CPS1: variants seen among roughly 807,000 people sequenced by gnomAD.
CPS1 encodes carbamoyl-phosphate synthase 1, also known as carbamoyl-phosphate synthase [ammonia], mitochondrial.
CPS1 carries 109 observed loss-of-function variants against 174.6 expected under a neutral mutation model. That is an observed-to-expected ratio of 0.62 (90% CI 0.53 to 0.73). The LOEUF (loss-of-function observed/expected upper bound fraction) is 0.73. Among genes scored for constraint, CPS1 ranks in the 30% least tolerant of loss-of-function variants. CPS1 has a pLI of 0.00. For synonymous variants in CPS1, 637 were observed against 632.0 expected, an observed-to-expected ratio of 1.01 and a Z score of -0.12; for missense variants, 1,689 against 1,821.9, an observed-to-expected ratio of 0.93 and a Z score of 1.33.
Position 210,608,435 on chromosome 2 carries a change from G to C in CPS1, c.2267G>C (p.Gly756Ala). Residue 756 changes from glycine (G) to alanine (A), a missense_variant, in exon 19 of 38, where the codon GGG becomes GCG. Transcript: ENST00000233072. Reference protein sequence around the residue: ...PLPEIKNVVSGKTSACFEPSL... With the variant: ...PLPEIKNVVSAKTSACFEPSL... ...CCAGAAATTAAGAACGTCGTATCCG[G>C]GAAGACATCAGCCTGTTTTGAACCT... is the stretch of plus-strand genomic sequence containing the variant. 1 of 1,612,532 alleles carries C rather than the reference G, an allele frequency of 6.2e-7. No individual in the cohort carries two copies. The highest frequency in any genetic ancestry group is 8.5e-7 in the Non-Finnish European group (1 of 1,179,000).
chr2:210,542,461 C>T (rs185510799), intron 1 of CPS1, among the ~76,000 whole-genome samples: 3 of 152,236 alleles, frequency 2.0e-5, no homozygotes, highest in African/African-American at 7.2e-5. Flanking sequence ...CCCATTTTCA[C>T]ACTACCAAGT....
chr2:210,668,155 C>T, intron 33 of CPS1, 31 bp from the exon 34 acceptor site: 1 of 1,523,374 alleles, frequency 6.6e-7, no homozygotes, highest in Non-Finnish European at 9.1e-7. Flanking sequence ...TTTGCATCCT[C>T]TATTTTAATT....
At chr2:210,515,078 T>C (rs1695645316) in intron 1 of CPS1, among the ~76,000 whole-genome samples, 1 of 151,908 alleles carries the variant, frequency 6.6e-6, no homozygotes, top group African/African-American at 2.4e-5. Context: ...CTTTTCAATA[T>C]GCTGTTGAAT....
intron 32 of CPS1, 148 bp from the exon 33 acceptor site, chr2:210,662,975 A>G: frequency 2.6e-6 from 2 of 773,890 alleles, no homozygotes. Flanking sequence ...TTCAAGTCGG[A>G]TGCTTGGACC....
chr2:210,662,332 A>G (rs1262739342), intron 32 of CPS1, among the ~76,000 whole-genome samples: 2 of 152,194 alleles, frequency 1.3e-5, no homozygotes, highest in Non-Finnish European at 2.9e-5. Flanking sequence ...ATTGGTATCA[A>G]CAGATGGGGA....
At chr2:210,509,217 T>C (rs1695381373) in intron 1 of CPS1, among the ~76,000 whole-genome samples, 1 of 152,230 alleles carries the variant, frequency 6.6e-6, no homozygotes, top group Non-Finnish European at 1.5e-5. Flanking sequence ...GATGCAAGGC[T>C]GGTTCAACAT....
At chr2:210,560,031 G>A (rs748837392) in intron 1 of CPS1, among the ~76,000 whole-genome samples, 11 of 151,936 alleles carry the variant, frequency 7.2e-5, no homozygotes, top group African/African-American at 7.2e-5. Context: ...GCAATGACAA[G>A]GTATTTGATA....
chr2:210,579,000 C>T (rs1697810373), intron 4 of CPS1, among the ~76,000 whole-genome samples: 1 of 151,914 alleles, frequency 6.6e-6, no homozygotes, highest in African/African-American at 2.4e-5. Context: ...AGAAAAGAAT[C>T]CAAGATAATA....
intron 1 of CPS1, among the ~76,000 whole-genome samples, chr2:210,516,361 C>A (rs1035403233): frequency 4.0e-5 from 6 of 151,744 alleles, no homozygotes; most frequent in Non-Finnish European, 7.4e-5. Context: ...CCACCTCATC[C>A]AATTGATTCA....
rs766503657 is a variant in CPS1 at position 210,594,548 on chromosome 2, A to G, written c.1205A>G (p.Lys402Arg). 1.2e-6 allele frequency: 2 copies of G among 1,611,358 alleles called. No individual in the cohort carries two copies. Among genetic ancestry groups the G allele is most frequent in the South Asian group, 2.2e-5 (2 of 91,024 alleles). The change falls in exon 12 of 38, where the codon AAA becomes AGA. Residue 402 changes from lysine (K) to arginine (R), a missense_variant. Physicochemically the swap from Lys to Arg is conservative, Grantham distance 26. Coordinates refer to ENST00000233072, the MANE Select transcript of CPS1 (RefSeq NM_001875.5). ...DSFFSLIKKG[K>R]ATTITSVLPK... ...TTTTTCTCACTGATAAAGAAAGGAAAAGCTACCACCATTACATCAGTCTTA... is the reference window on the plus strand; with the variant it reads ...TTTTTCTCACTGATAAAGAAAGGAAGAGCTACCACCATTACATCAGTCTTA...
In CPS1 at chr2:210,512,985, G is replaced by T. The variant is rs1298634988; in HGVS notation, c.3+35219G>T. Among the ~76,000 whole-genome samples, 74 of 14,726 alleles carry T rather than the reference G, an allele frequency of 5.0e-3. 16 individuals are homozygous for T. The highest frequency in any genetic ancestry group is 8.2e-3 in the African/African-American group (71 of 8,664). 9.7% of individuals were successfully genotyped at this position (14,726 alleles called of 152,430 possible). On this transcript the variant is annotated intron_variant, in intron 1 of 38. Coordinates refer to the CPS1 transcript ENST00000430249. ...ATATATGGAGATATATATATATGGA[G>T]AGATATATATATGGAGATATATATA...
At position 210,678,017 on chromosome 2, in the gene CPS1, C is replaced by T. The variant is rs1701589483; in HGVS notation, c.*32C>T. The T allele has an allele frequency of 6.8e-7, 1 of 1,468,822 alleles. No individual in the cohort carries two copies. The highest frequency in any genetic ancestry group is 9.5e-7 in the Non-Finnish European group (1 of 1,047,504). 91.0% of individuals were successfully genotyped at this position (1,468,822 alleles called of 1,614,324 possible). ...AGACACCCCAGCCCCATTATTAAAT[C>T]AACCTGAGCCACATGTTATCTAAAG... On this transcript the variant is annotated 3_prime_UTR_variant, in exon 38 of 38. Coordinates refer to ENST00000233072, the MANE Select transcript of CPS1 (RefSeq NM_001875.5).
chr2:210,542,759 G>A (rs1696466569), intron 1 of CPS1, among the ~76,000 whole-genome samples: 1 of 151,908 alleles, frequency 6.6e-6, no homozygotes, highest in East Asian at 1.9e-4. Flanking sequence ...ACCCTTCTTG[G>A]CTCCACATTC....
intron 1 of CPS1, among the ~76,000 whole-genome samples, chr2:210,478,939 T>TTCCC (rs58783925): frequency 0.43 from 46,022 of 107,288 alleles, 10,300 homozygotes; most frequent in East Asian, 0.54. Context: ...CCCCCCTCCC[T>TTCCC]TCCCTCCCTC....
At chr2:210,595,606 G>T in intron 13 of CPS1, 24 bp downstream of exon 13, 1 of 1,444,700 alleles carries the variant, frequency 6.9e-7, no homozygotes, top group East Asian at 2.3e-5. Context: ...ATCCTTACTA[G>T]AATTAATATG....
intron 34 of CPS1, chr2:210,672,850 C>T (rs948883264): frequency 1.3e-5 from 2 of 152,150 alleles, no homozygotes; most frequent in African/African-American, 4.8e-5. Flanking sequence ...CAATAGTTTC[C>T]TCTTATAAAA....
rs563442303 is a variant in CPS1, at chr2:210,584,203, G to T, written c.621+1494G>T. 2.0e-4 allele frequency among the ~76,000 whole-genome samples: 30 copies of T among 152,160 alleles called. No individual in the cohort carries two copies. In the East Asian group the frequency reaches 5.6e-3, roughly 28 times the overall value. ...TTCTCTTTCCTAGGACTATGTATTTGGTTACCATGGGGCTTTACATGTGGA... is the reference window on the plus strand; with the variant it reads ...TTCTCTTTCCTAGGACTATGTATTTTGTTACCATGGGGCTTTACATGTGGA... On this transcript the variant is annotated intron_variant, in intron 6 of 37. Transcript: ENST00000233072.
rs549520840 is a variant in CPS1 at position 210,573,149 on chromosome 2, TA to T, written c.127-147del. 1.1e-3 allele frequency: 821 copies of T among 714,376 alleles called. 1 individual carries two copies. In the African/African-American group the frequency reaches 0.013, roughly 11 times the overall value. The allele number at this position is 714,376 out of a possible 1,614,324, so 44.3% of individuals were successfully genotyped here. A position where few individuals can be genotyped will look rare whatever the true frequency, so the allele number is the denominator to read the frequency against. On this transcript the variant is annotated intron_variant, in intron 1 of 37. Coordinates refer to ENST00000233072, the MANE Select transcript of CPS1 (RefSeq NM_001875.5). ...TATATATTTGAAGAAAAGTGACAAG[TA>T]ATAGGAAAGCAACTGGAAATCTGGG...
chr2:210,547,898 C>T (rs1250928435), intron 1 of CPS1, among the ~76,000 whole-genome samples: 1 of 151,984 alleles, frequency 6.6e-6, no homozygotes, highest in African/African-American at 2.4e-5. Flanking sequence ...TCCTATGTTA[C>T]AGCCCTGGTC....
Sources: gnomAD v4.1 joint callset for allele counts (sites outside exome capture counted in the v4.1 genomes callset) on GRCh38, gnomAD v4.1.1 for gene constraint, MANE v1.5 for transcripts, NCBI Gene and HGNC (gene_info 2026-07-23, HGNC 2026-07-21) for gene names.